Variants in LRRC7 observed in about 807,000 individuals in gnomAD.
The protein encoded by LRRC7 is leucine-rich repeat-containing protein 7.
A neutral mutation model predicts 175.7 loss-of-function variants in LRRC7; 23 were observed. The ratio of observed to expected loss-of-function variants is 0.13; its 90% CI spans 0.09 to 0.19. The LOEUF (loss-of-function observed/expected upper bound fraction) is 0.19, where lower values mean the gene tolerates loss of function less well. LRRC7 is among the 10% of genes least tolerant of loss of function. The pLI is 1.00. For synonymous variants in LRRC7, 685 were observed against 680.9 expected, an observed-to-expected ratio of 1.01 and a Z score of -0.09; for missense variants, 1,354 against 1,904.7, an observed-to-expected ratio of 0.71 and a Z score of 5.38.
intron 2 of LRRC7, among the ~76,000 whole-genome samples, chr1:69,747,428 A>G (rs1407888439): frequency 6.6e-6 from 1 of 152,164 alleles, no homozygotes; most frequent in African/African-American, 2.4e-5. Flanking sequence ...CCAGCTCAGC[A>G]GTATGTAATT....
chr1:69,684,219 T>C (rs1469877776), intron 2 of LRRC7, among the ~76,000 whole-genome samples: 1 of 152,198 alleles, frequency 6.6e-6, no homozygotes, highest in Non-Finnish European at 1.5e-5. Flanking sequence ...ATTCACTATA[T>C]TAATAACACA....
At chr1:69,870,521 T>C (rs1221492945) in intron 7 of LRRC7, among the ~76,000 whole-genome samples, 1 of 152,032 alleles carries the variant, frequency 6.6e-6, no homozygotes, top group Non-Finnish European at 1.5e-5. Context: ...AAAGGCAAAT[T>C]GTTTCATCTC....
chr1:69,690,342 G>C (rs1661691565), intron 2 of LRRC7, among the ~76,000 whole-genome samples: 1 of 152,142 alleles, frequency 6.6e-6, no homozygotes, highest in African/African-American at 2.4e-5. Flanking sequence ...AGTGTTTTCA[G>C]ATCAATGGCC....
intron 16 of LRRC7, 87 bp downstream of exon 16, chr1:70,021,216 G>GTCAGA: frequency 7.6e-7 from 1 of 1,307,248 alleles, no homozygotes; most frequent in Non-Finnish European, 1.1e-6. Context: ...TTGGGACAAA[G>GTCAGA]TCAGATACTT....
In LRRC7 at chr1:70,132,457, C is replaced by CTTTTTT. The variant is rs149091576; in HGVS notation, c.*10591_*10596dup. 2.6e-5 allele frequency among the ~76,000 whole-genome samples: 2 copies of CTTTTTT among 76,450 alleles called. No homozygotes were observed. Among genetic ancestry groups the CTTTTTT allele is most frequent in the African/African-American group, 5.7e-5 (1 of 17,646 alleles). 50.2% of individuals were successfully genotyped at this position (76,450 alleles called of 152,430 possible). A position where few individuals can be genotyped will look rare whatever the true frequency, so the allele number is the denominator to read the frequency against. ...TTTCTTTTTTCTTTTCTTTTCTTTT[C>CTTTTTT]TTTTTTTTTTTTTTTTTTTTTTTTT... On this transcript the variant is annotated 3_prime_UTR_variant, in exon 27 of 27. Coordinates refer to ENST00000651989, the MANE Select transcript of LRRC7 (RefSeq NM_001370785.2).
At chr1:70,118,413 AT>A (rs1198639942) in intron 26 of LRRC7, among the ~76,000 whole-genome samples, 1 of 152,122 alleles carries the variant, frequency 6.6e-6, no homozygotes, top group Non-Finnish European at 1.5e-5. Flanking sequence ...TTCTACCAAT[AT>A]TTTTAGAATA....
chr1:70,079,485 A>G (rs1445335288), intron 24 of LRRC7, among the ~76,000 whole-genome samples: 3 of 152,232 alleles, frequency 2.0e-5, no homozygotes, highest in East Asian at 1.9e-4. Context: ...TCAGTATAAT[A>G]CAACACAATA....
intron 1 of LRRC7, among the ~76,000 whole-genome samples, chr1:69,631,991 G>T (rs1004487262): frequency 1.3e-5 from 2 of 152,054 alleles, no homozygotes; most frequent in African/African-American, 2.4e-5. Context: ...AAGACTTTCT[G>T]ATTTAAAGTC....
chr1:70,013,721 A>G (rs1159619681), intron 13 of LRRC7, among the ~76,000 whole-genome samples: 4 of 152,034 alleles, frequency 2.6e-5, no homozygotes, highest in Non-Finnish European at 5.9e-5. Context: ...TCAAATAGGA[A>G]AGGATAAGAA....
intron 4 of LRRC7, among the ~76,000 whole-genome samples, chr1:69,803,789 T>C (rs940416045): frequency 6.6e-6 from 1 of 151,344 alleles, no homozygotes; most frequent in Non-Finnish European, 1.5e-5. Context: ...GTTTTTTTAA[T>C]TTATTTTCAC....
At chr1:69,845,001 G>A (rs1682182415) in intron 7 of LRRC7, among the ~76,000 whole-genome samples, 1 of 152,112 alleles carries the variant, frequency 6.6e-6, no homozygotes, top group Non-Finnish European at 1.5e-5. Context: ...TATAGTTCGA[G>A]CACTTTGGGA....
intron 7 of LRRC7, among the ~76,000 whole-genome samples, chr1:69,920,782 G>C (rs2101734721): frequency 6.6e-6 from 1 of 152,278 alleles, no homozygotes; most frequent in Non-Finnish European, 1.5e-5. Flanking sequence ...CTATTCCTAT[G>C]AGCATTTCTT....
Position 69,925,489 on chromosome 1 carries a change from G to A in LRRC7, c.648-6018G>A, listed in dbSNP as rs565332020. Reference sequence around the variant, plus strand: ...GCCACAATTTCAGAGGCTGTTATTGGTCTATTCAGAGATTCAACTTCTTCC... The same window carrying A: ...GCCACAATTTCAGAGGCTGTTATTGATCTATTCAGAGATTCAACTTCTTCC... On this transcript the variant is annotated intron_variant, in intron 7 of 26. Transcript: ENST00000651989. 2.9e-4 allele frequency among the ~76,000 whole-genome samples: 44 copies of A among 152,038 alleles called. No homozygotes were observed. The South Asian group carries it at 6.8e-3, about 24-fold the overall frequency.
intron 2 of LRRC7, among the ~76,000 whole-genome samples, chr1:69,708,170 A>G (rs1263751554): frequency 6.6e-6 from 1 of 152,232 alleles, no homozygotes; most frequent in Admixed American, 6.5e-5. Context: ...CGTATGACAC[A>G]TAAAACCTAA....
rs556465023 is a variant in LRRC7 at position 69,890,474 on chromosome 1, T to G, written c.648-41033T>G. Among the ~76,000 whole-genome samples the G allele has an allele frequency of 6.8e-4, 103 of 152,360 alleles. 1 individual carries two copies. Among genetic ancestry groups the G allele is most frequent in the African/African-American group, 2.2e-3 (93 of 41,592 alleles). ...CATCCAGACTTTGTTGTTCCATTTC[T>G]AAAGCACATGCAGAATAGATTTAGC... On this transcript the variant is annotated intron_variant, in intron 7 of 26. Coordinates refer to ENST00000651989, the MANE Select transcript of LRRC7 (RefSeq NM_001370785.2).
At chr1:70,020,336 T>C (rs1373847061) in intron 15 of LRRC7, among the ~76,000 whole-genome samples, 1 of 152,090 alleles carries the variant, frequency 6.6e-6, no homozygotes, top group East Asian at 1.9e-4. Context: ...AAAAAAAGAT[T>C]CATAAGCCAT....
intron 7 of LRRC7, among the ~76,000 whole-genome samples, chr1:69,839,956 T>C (rs535836839): frequency 3.9e-4 from 60 of 152,170 alleles, no homozygotes; most frequent in Non-Finnish European, 7.9e-4. Context: ...TGTGGCCCAG[T>C]ATTAAACAGA....
chr1:69,830,826 C>CT (rs34929369), intron 5 of LRRC7, among the ~76,000 whole-genome samples: 8 of 151,790 alleles, frequency 5.3e-5, no homozygotes, highest in Non-Finnish European at 1.2e-4. Context: ...GTCAATACAT[C>CT]TTTTTTTATA....
intron 7 of LRRC7, among the ~76,000 whole-genome samples, chr1:69,888,163 G>A (rs1570513612): frequency 6.7e-6 from 1 of 150,212 alleles, no homozygotes; most frequent in East Asian, 2.0e-4. Context: ...GAGCTTCCTG[G>A]CTGCTTTGTT....
Sources: gnomAD v4.1 joint callset for allele counts (sites outside exome capture counted in the v4.1 genomes callset) on GRCh38, gnomAD v4.1.1 for gene constraint, MANE v1.5 for transcripts, NCBI Gene and HGNC (gene_info 2026-07-23, HGNC 2026-07-21) for gene names.